The following FCRL1 variants were observed in gnomAD, a reference collection of about 807,000 sequenced individuals.
FCRL1 encodes Fc receptor-like protein 1.
FCRL1 carries 34 observed loss-of-function variants against 49.2 expected under a neutral mutation model. The observed-to-expected ratio is 0.69, with a 90% CI of 0.53 to 0.92. The LOEUF (loss-of-function observed/expected upper bound fraction) is 0.92. Among genes scored for constraint, FCRL1 ranks in the 40% least tolerant of loss-of-function variants. The probability of loss-of-function intolerance (pLI) is 0.00; values close to 1 mark genes in which losing one functional copy is unlikely to be tolerated. For synonymous variants in FCRL1, 218 were observed against 201.6 expected, an observed-to-expected ratio of 1.08 and a Z score of -0.69; for missense variants, 524 against 524.1, an observed-to-expected ratio of 1.00 and a Z score of 0.00.
At chr1:157,801,894 G>T (rs775371441) in intron 5 of FCRL1, 21 bp downstream of exon 5, 1 of 1,601,764 alleles carries the variant, frequency 6.2e-7, no homozygotes, top group East Asian at 2.2e-5. Flanking sequence ...GACCAAGACA[G>T]TTCCATAGCC....
intron 1 of FCRL1, among the ~76,000 whole-genome samples, chr1:157,813,812 A>G (rs1654673736): frequency 6.6e-6 from 1 of 152,208 alleles, no homozygotes; most frequent in East Asian, 1.9e-4. Flanking sequence ...GTTAAAGGTC[A>G]AATACAAAGA....
In FCRL1 at chr1:157,809,322, G is replaced by C. The variant is rs77796026; in HGVS notation, c.32-2200C>G. 8.3e-3 allele frequency among the ~76,000 whole-genome samples: 1,256 copies of C among 152,234 alleles called. 14 individuals carry two copies. Among genetic ancestry groups the C allele is most frequent in the African/African-American group, 0.028 (1,166 of 41,524 alleles). On this transcript the variant is annotated intron_variant, in intron 1 of 10. Coordinates refer to ENST00000368176, the MANE Select transcript of FCRL1 (RefSeq NM_052938.5). The stretch of plus-strand genomic sequence containing the variant: ...TGTAATCCCAACACTTTGGAAGGCT[G>C]AGGTGGGAGGATTGATGGGGGCCAG...
At chr1:157,814,517 A>G (rs1449142550) in intron 1 of FCRL1, among the ~76,000 whole-genome samples, 1 of 151,944 alleles carries the variant, frequency 6.6e-6, no homozygotes, top group Non-Finnish European at 1.5e-5. Context: ...AAATCCACCA[A>G]AACACAAAGA....
chr1:157,804,253 C>CG (rs1553215574), intron 2 of FCRL1, 142 bp from the exon 3 acceptor site: 113 of 942,124 alleles, frequency 1.2e-4, no homozygotes, highest in South Asian at 1.2e-4. Context: ...TCCACCCCCC[C>CG]CCCAGTGGCC....
At chr1:157,801,685 A>T (rs1652500371) in intron 5 of FCRL1, 108 bp from the exon 6 acceptor site, 11 of 900,368 alleles carry the variant, frequency 1.2e-5, no homozygotes, top group Admixed American at 2.3e-5. Context: ...CCAAGTGGGG[A>T]TTTATTTATT....
At chr1:157,800,140 A>G in intron 6 of FCRL1, 55 bp from the exon 7 acceptor site, 1 of 1,563,446 alleles carries the variant, frequency 6.4e-7, no homozygotes, top group Non-Finnish European at 8.8e-7. Context: ...CACTGTCAGC[A>G]CTGTCAGTGT....
chr1:157,800,845 T>C (rs1324937533), intron 6 of FCRL1, among the ~76,000 whole-genome samples: 1 of 151,866 alleles, frequency 6.6e-6, no homozygotes, highest in African/African-American at 2.4e-5. Flanking sequence ...TAGCTGGAAC[T>C]GCTAACAGTA....
In FCRL1 at chr1:157,794,563, C is replaced by T. The variant is rs1183484219; in HGVS notation, c.*1536G>A. The T allele has an allele frequency of 1.3e-5, 2 of 152,148 alleles. No individual in the cohort carries two copies. Among genetic ancestry groups the T allele is most frequent in the Non-Finnish European group, 2.9e-5 (2 of 68,032 alleles). 9.4% of individuals were successfully genotyped at this position (152,148 alleles called of 1,614,324 possible). On this transcript the variant is annotated 3_prime_UTR_variant, in exon 11 of 11. Transcript: ENST00000368176. Reference sequence around the variant, plus strand: ...CTATTTAACAAGAATATTTAATATGCATAATCTAGCAATACTAGATTTACA... The same window carrying T: ...CTATTTAACAAGAATATTTAATATGTATAATCTAGCAATACTAGATTTACA...
At chr1:157,809,586 T>G (rs776831522) in intron 1 of FCRL1, among the ~76,000 whole-genome samples, 2 of 152,056 alleles carry the variant, frequency 1.3e-5, no homozygotes, top group Admixed American at 6.6e-5. Context: ...GTAGCTGGGA[T>G]TACAGGCATG....
intron 1 of FCRL1, among the ~76,000 whole-genome samples, chr1:157,808,107 A>T (rs1653751519): frequency 6.6e-6 from 1 of 152,248 alleles, no homozygotes; most frequent in Admixed American, 6.5e-5. Context: ...GCATAAAATC[A>T]TATTCCATAC....
chr1:157,813,539 A>G (rs554620941), intron 1 of FCRL1, among the ~76,000 whole-genome samples: 1 of 152,316 alleles, frequency 6.6e-6, no homozygotes, highest in South Asian at 2.1e-4. Flanking sequence ...GAAATAACCC[A>G]GTTAGCTGAG....
intron 1 of FCRL1, among the ~76,000 whole-genome samples, chr1:157,817,125 A>C (rs1004594943): frequency 6.6e-6 from 1 of 152,102 alleles, no homozygotes; most frequent in African/African-American, 2.4e-5. Flanking sequence ...CAAAATACCA[A>C]TGACATTGTC....
At position 157,797,411 on chromosome 1, in the gene FCRL1, A is replaced by G. The variant is rs553891899; in HGVS notation, c.1187-279T>C. Among the ~76,000 whole-genome samples, 124 of 152,282 alleles carry G rather than the reference A, an allele frequency of 8.1e-4. 1 individual carries two copies. Among genetic ancestry groups the G allele is most frequent in the African/African-American group, 2.9e-3 (120 of 41,542 alleles). On this transcript the variant is annotated intron_variant, in intron 9 of 10. Transcript: ENST00000368176. The stretch of plus-strand genomic sequence containing the variant: ...GGCTCACCATGTGTAGGATGGGACA[A>G]GAGCACCAGCTAGGCAGCTGTGATG...
chr1:157,819,418 T>A (rs1013154032), intron 1 of FCRL1, among the ~76,000 whole-genome samples: 4 of 152,084 alleles, frequency 2.6e-5, no homozygotes, highest in African/African-American at 9.7e-5. Flanking sequence ...GTTGTGGTGG[T>A]GAGCTGCAGA....
chr1:157,799,263 G>C (rs1307609900), intron 7 of FCRL1, among the ~76,000 whole-genome samples: 2 of 152,162 alleles, frequency 1.3e-5, no homozygotes, highest in East Asian at 3.8e-4. Context: ...GCCTCCCAAA[G>C]TGCTGGGATT....
At chr1:157,807,890 A>G (rs981060792) in intron 1 of FCRL1, among the ~76,000 whole-genome samples, 1 of 152,198 alleles carries the variant, frequency 6.6e-6, no homozygotes, top group Non-Finnish European at 1.5e-5. Context: ...GGTAAAGTGT[A>G]GATAATTGTG....
Position 157,798,151 on chromosome 1 carries a change from G to A in FCRL1, c.1114+10C>T. The A allele has an allele frequency of 3.1e-6, 5 of 1,608,760 alleles. No homozygotes were observed. Among genetic ancestry groups the A allele is most frequent in the Non-Finnish European group, 4.2e-6 (5 of 1,176,984 alleles). ...ACCATCGTTGGCCTGGGCCATTTGG[G>A]AAGGCTCACCATTTTCATATATAGG... On this transcript the variant is annotated intron_variant, in intron 8 of 10. Transcript: ENST00000368176.
intron 1 of FCRL1, among the ~76,000 whole-genome samples, chr1:157,817,158 C>T (rs1655155898): frequency 6.6e-6 from 1 of 151,852 alleles, no homozygotes; most frequent in Non-Finnish European, 1.5e-5. Context: ...AAAAGCAATC[C>T]TAAAATTTGT....
At chr1:157,810,768 G>A (rs1459968580) in intron 1 of FCRL1, among the ~76,000 whole-genome samples, 1 of 152,042 alleles carries the variant, frequency 6.6e-6, no homozygotes, top group East Asian at 1.9e-4. Context: ...AGCAAAGACA[G>A]CAATTCACTG....
Sources: allele counts gnomAD v4.1 joint callset (sites outside exome capture counted in the v4.1 genomes callset), GRCh38; gene constraint gnomAD v4.1.1; transcripts MANE v1.5; gene names NCBI Gene and HGNC (gene_info 2026-07-23, HGNC 2026-07-21).